Variants in MYO16 observed in about 807,000 individuals in gnomAD.
MYO16 encodes myosin XVI, also known as unconventional myosin-XVI.
In MYO16, 94 loss-of-function variants were observed where a neutral mutation model predicts 205.3. That is an observed-to-expected ratio of 0.46 (90% CI 0.39 to 0.54). The LOEUF is 0.54. Ranked by LOEUF, MYO16 falls within the 20% of genes least tolerant of loss-of-function variation. The pLI is 0.00. For synonymous variants in MYO16, 988 were observed against 954.0 expected (o/e 1.04, Z -0.66); for missense variants, 2,315 against 2,387.5 (o/e 0.97, Z 0.63).
chr13:108,890,199 CT>C (rs1053784248), intron 14 of MYO16, among the ~76,000 whole-genome samples: 6 of 150,132 alleles, frequency 4.0e-5, no homozygotes, highest in African/African-American at 1.2e-4. Context: ...CTGCCTCAGC[CT>C]CCCAAAGTGC....
At chr13:109,113,048 A>G (rs751219758) in intron 28 of MYO16, among the ~76,000 whole-genome samples, 30 of 152,234 alleles carry the variant, frequency 2.0e-4, no homozygotes, top group Admixed American at 3.3e-4. Flanking sequence ...TGGATGTACT[A>G]CTGTAATTGA....
intron 33 of MYO16, 148 bp downstream of exon 33, chr13:109,165,207 A>G: frequency 1.6e-6 from 1 of 611,192 alleles, no homozygotes; most frequent in Non-Finnish European, 2.7e-6. Flanking sequence ...TGCAAGTATT[A>G]TTGTCAGCAT....
At chr13:108,780,443 A>C (rs1473078853) in intron 4 of MYO16, among the ~76,000 whole-genome samples, 1 of 152,030 alleles carries the variant, frequency 6.6e-6, no homozygotes, top group East Asian at 2.0e-4. Flanking sequence ...GGGAAAAAGA[A>C]AAGGGAAGAA....
chr13:108,892,631 A>G (rs1404895413), intron 14 of MYO16, among the ~76,000 whole-genome samples: 10 of 152,218 alleles, frequency 6.6e-5, no homozygotes, highest in Non-Finnish European at 4.4e-5. Flanking sequence ...GACAACTGAC[A>G]CTTAAGAGTT....
chr13:109,012,779 G>GTATA (rs113007743), intron 22 of MYO16, among the ~76,000 whole-genome samples: 50,019 of 146,302 alleles, frequency 0.34, 8,660 homozygotes, highest in East Asian at 0.61. Flanking sequence ...ATGTGTGTGT[G>GTATA]TATATATATA....
chr13:109,072,096 G>T (rs1887940841), intron 27 of MYO16, among the ~76,000 whole-genome samples: 1 of 152,150 alleles, frequency 6.6e-6, no homozygotes, highest in South Asian at 2.1e-4. Flanking sequence ...GACCTTGATT[G>T]AAGGTTCATC....
At chr13:108,630,415 C>T (rs2139353307) in intron 1 of MYO16, among the ~76,000 whole-genome samples, 1 of 152,318 alleles carries the variant, frequency 6.6e-6, no homozygotes, top group East Asian at 1.9e-4. Context: ...GTACCAAATG[C>T]TCTCCACTGA....
chr13:108,972,378 A>AGC (rs1884081782), intron 20 of MYO16, among the ~76,000 whole-genome samples: 1 of 63,894 alleles, frequency 1.6e-5, no homozygotes, highest in African/African-American at 9.2e-5. Flanking sequence ...ATATATATAT[A>AGC]TATATATATA....
intron 1 of MYO16, among the ~76,000 whole-genome samples, chr13:108,639,871 G>A (rs1474943978): frequency 6.6e-6 from 1 of 152,170 alleles, no homozygotes; most frequent in Non-Finnish European, 1.5e-5. Flanking sequence ...GACGACTTCG[G>A]CATTGTGGAG....
intron 4 of MYO16, among the ~76,000 whole-genome samples, chr13:108,764,195 T>G (rs1885705581): frequency 6.6e-6 from 1 of 152,156 alleles, no homozygotes; most frequent in South Asian, 2.1e-4. Flanking sequence ...GTACATACAT[T>G]TTACTGTGTG....
At chr13:109,040,385 C>CAGAGAGAGAGAGAGAGAGAG (rs146955371) in intron 23 of MYO16, among the ~76,000 whole-genome samples, 4,256 of 112,426 alleles carry the variant, frequency 0.038, 115 homozygotes, top group East Asian at 0.051. Flanking sequence ...CACACACACA[C>CAGAGAGAGAGAGAGAGAGAG]AGAGAGAGAG....
At chr13:108,809,629 G>C (rs561073747) in intron 7 of MYO16, among the ~76,000 whole-genome samples, 1 of 152,164 alleles carries the variant, frequency 6.6e-6, no homozygotes, top group Admixed American at 6.5e-5. Flanking sequence ...ACTCATTATC[G>C]TGAGGACAGC....
intron 3 of MYO16, among the ~76,000 whole-genome samples, chr13:108,726,319 G>C (rs772044838): frequency 9.2e-5 from 14 of 152,114 alleles, no homozygotes; most frequent in Non-Finnish European, 1.9e-4. Flanking sequence ...CCAGCACTTT[G>C]GGAGGCCGAG....
At chr13:109,107,511 T>A (rs1438343257) in intron 28 of MYO16, among the ~76,000 whole-genome samples, 2 of 152,064 alleles carry the variant, frequency 1.3e-5, no homozygotes, top group East Asian at 3.8e-4. Context: ...AGCAAGGAAC[T>A]GTTAAAGTTT....
At chr13:108,526,361 G>T in the MYO16 span, among the ~76,000 whole-genome samples, 1 of 152,118 alleles carries the variant, frequency 6.6e-6, no homozygotes, top group Non-Finnish European at 1.5e-5. Flanking sequence ...CTTAAGAGAA[G>T]AAAACTTTCA....
intron 2 of MYO16, among the ~76,000 whole-genome samples, chr13:108,678,782 A>ATGGTACCT (rs1171756286): frequency 6.6e-6 from 1 of 152,026 alleles, no homozygotes; most frequent in Non-Finnish European, 1.5e-5. Flanking sequence ...AATTCTAGAG[A>ATGGTACCT]TGGTACCTGT....
At chr13:108,961,941 C>A (rs1447227975) in intron 18 of MYO16, among the ~76,000 whole-genome samples, 4 of 152,180 alleles carry the variant, frequency 2.6e-5, no homozygotes, top group Admixed American at 6.5e-5. Context: ...GTACCCTTCA[C>A]CCCACTACCC....
At chr13:108,507,980 AT>A in the MYO16 span, among the ~76,000 whole-genome samples, 12 of 150,928 alleles carry the variant, frequency 8.0e-5, no homozygotes, top group African/African-American at 2.2e-4. Context: ...AAGTCCAGAA[AT>A]TTTTTTTTAA....
intron 33 of MYO16, among the ~76,000 whole-genome samples, chr13:109,177,979 C>A (rs1879283950): frequency 6.6e-6 from 1 of 152,140 alleles, no homozygotes; most frequent in Non-Finnish European, 1.5e-5. Flanking sequence ...CTCCCAGCAC[C>A]CCATCCTTTA....
Sources: gnomAD v4.1 joint callset for allele counts (sites outside exome capture counted in the v4.1 genomes callset) on GRCh38, gnomAD v4.1.1 for gene constraint, MANE v1.5 for transcripts, NCBI Gene and HGNC (gene_info 2026-07-23, HGNC 2026-07-21) for gene names.